Variants in PCDHA3 observed in about 807,000 individuals in gnomAD.
PCDHA3 encodes protocadherin alpha 3, also known as protocadherin alpha-3.
A neutral mutation model predicts 62.2 loss-of-function variants in PCDHA3; 41 were observed. The observed-to-expected ratio is 0.66, with a 90% CI of 0.51 to 0.86. The LOEUF is 0.86. Among genes scored for constraint, PCDHA3 ranks in the 40% least tolerant of loss-of-function variants. The pLI, the probability that PCDHA3 is intolerant of heterozygous loss-of-function variation, is 0.00. For synonymous variants in PCDHA3, 640 were observed against 555.4 expected (o/e 1.15, Z -2.14); for missense variants, 1,304 against 1,241.2 (o/e 1.05, Z -0.76).
intron 1 of PCDHA3, among the ~76,000 whole-genome samples, chr5:140,965,212 T>G (rs1360102713): frequency 6.6e-6 from 1 of 152,180 alleles, no homozygotes; most frequent in African/African-American, 2.4e-5. Context: ...CAAATTCCTG[T>G]GGAAGAAATG....
intron 1 of PCDHA3, chr5:140,881,502 A>G: frequency 1.2e-5 from 3 of 249,864 alleles, no homozygotes; most frequent in Non-Finnish European, 1.9e-5. Context: ...ACATACACAC[A>G]CTCACATACA....
chr5:140,918,175 CT>C (rs1429626043), intron 1 of PCDHA3, among the ~76,000 whole-genome samples: 2 of 152,076 alleles, frequency 1.3e-5, no homozygotes, highest in Non-Finnish European at 2.9e-5. Context: ...GCATTGTGTT[CT>C]TGATTTGGCC....
rs559337177 is a variant in PCDHA3 at position 140,853,682 on chromosome 5, A to G, written c.2394+50091A>G. On this transcript the variant is annotated intron_variant, in intron 1 of 3. Transcript: ENST00000522353. ...ACAAATTGGGGCCTATGGTCAACCT[A>G]TCCTTAGACCTGCTAACGCATTAGC... 95 of 988,426 alleles carry G rather than the reference A, an allele frequency of 9.6e-5. 12 individuals are homozygous for G. The highest frequency in any genetic ancestry group is 1.1e-4 in the Non-Finnish European group (93 of 820,328). The allele number at this position is 988,426 out of a possible 1,614,324, so 61.2% of individuals were successfully genotyped here.
chr5:140,868,379 T>C (rs1554161939), intron 1 of PCDHA3: 1 of 152,086 alleles, frequency 6.6e-6, no homozygotes, highest in Non-Finnish European at 1.5e-5. Context: ...CAGTAAAGAA[T>C]GAGAACTATA....
At chr5:140,863,236 G>A (rs782784210) in intron 1 of PCDHA3, 6 of 1,282,274 alleles carry the variant, frequency 4.7e-6, no homozygotes, top group Non-Finnish European at 4.4e-6. Context: ...CCCATCGCGG[G>A]CTTTGGCGGG....
intron 1 of PCDHA3, among the ~76,000 whole-genome samples, chr5:140,951,950 G>A (rs1408300368): frequency 6.6e-6 from 1 of 152,120 alleles, no homozygotes; most frequent in Non-Finnish European, 1.5e-5. Flanking sequence ...GCGGGTACAG[G>A]CATTGGGTAA....
Position 140,802,232 on chromosome 5 carries a change from T to C in PCDHA3, c.1035T>C (p.Asp345=), listed in dbSNP as rs1554121962. The C allele has an allele frequency of 1.9e-6, 3 of 1,614,226 alleles. No individual in the cohort carries two copies. The highest frequency in any genetic ancestry group is 2.5e-6 in the Non-Finnish European group (3 of 1,180,042). Residue 345 remains aspartate, a synonymous_variant, in exon 1 of 4, where the codon GAT becomes GAC. Transcript: ENST00000522353. ...TVLLEIVDIN[D]NVPELVIQSL... is the part of the protein sequence containing the mutation. Reference sequence around the variant, plus strand: ...TACTCGAAATTGTGGACATCAATGATAATGTACCTGAGTTAGTTATTCAAT... The same window carrying C: ...TACTCGAAATTGTGGACATCAATGACAATGTACCTGAGTTAGTTATTCAAT...
intron 1 of PCDHA3, chr5:140,857,942 A>G: frequency 6.3e-7 from 1 of 1,597,440 alleles, no homozygotes; most frequent in Non-Finnish European, 8.6e-7. Flanking sequence ...CGAGATCAGT[A>G]CGACGCGCGC....
chr5:140,903,908 T>G (rs1248455998), intron 1 of PCDHA3, among the ~76,000 whole-genome samples: 2 of 152,242 alleles, frequency 1.3e-5, no homozygotes, highest in East Asian at 1.9e-4. Flanking sequence ...GTCAATGATG[T>G]GACTTCCTTG....
chr5:140,890,836 C>A (rs1189670490), intron 1 of PCDHA3, among the ~76,000 whole-genome samples: 1 of 151,884 alleles, frequency 6.6e-6, no homozygotes, highest in Admixed American at 6.6e-5. Flanking sequence ...ACATATTTAC[C>A]AGTTTTGTTT....
chr5:140,926,990 G>T (rs2083733718), intron 1 of PCDHA3: 1 of 1,611,558 alleles, frequency 6.2e-7, no homozygotes, highest in Admixed American at 1.7e-5. Flanking sequence ...ACGGAGCGGG[G>T]CGTAGCCGTA....
At chr5:141,005,822 C>T (rs1248291613) in intron 3 of PCDHA3, among the ~76,000 whole-genome samples, 2 of 151,298 alleles carry the variant, frequency 1.3e-5, no homozygotes, top group Non-Finnish European at 2.9e-5. Context: ...GTATGGTGGC[C>T]TGTAGTCCCA....
chr5:140,974,613 G>A (rs1416866366), intron 1 of PCDHA3, among the ~76,000 whole-genome samples: 2 of 152,164 alleles, frequency 1.3e-5, no homozygotes, highest in African/African-American at 4.8e-5. Flanking sequence ...CAGGGTTCAA[G>A]CGATTCTCCT....
chr5:140,802,112 G>C lies in PCDHA3; in HGVS notation c.915G>C (p.Lys305Asn). 1 of 1,614,188 alleles carries C rather than the reference G, an allele frequency of 6.2e-7. No individual in the cohort carries two copies. Among genetic ancestry groups the C allele is most frequent in the Non-Finnish European group, 8.5e-7 (1 of 1,180,028 alleles). Residue 305 changes from lysine (K) to asparagine (N), a missense_variant, in exon 1 of 4, where the codon AAG becomes AAC. Coordinates refer to ENST00000522353, the MANE Select transcript of PCDHA3 (RefSeq NM_018906.3). ...LDPVNGQISV[K>N]GNIDFEESKS... ...CAGTCAATGGACAAATCAGTGTAAA[G>C]GGTAACATAGATTTCGAGGAAAGTA...
chr5:140,918,989 GTGT>G (rs2078966617), intron 1 of PCDHA3, among the ~76,000 whole-genome samples: 1 of 152,178 alleles, frequency 6.6e-6, no homozygotes, highest in Non-Finnish European at 1.5e-5. Context: ...TTGGTTTTTA[GTGT>G]TGTTCACATC....
chr5:140,850,695 C>T lies in PCDHA3; in HGVS notation c.2394+47104C>T, dbSNP rs2150494737. 6 of 1,598,304 alleles carry T rather than the reference C, an allele frequency of 3.8e-6. No homozygotes were observed. The South Asian group carries it at 5.5e-5, about 15-fold the overall frequency. On this transcript the variant is annotated intron_variant, in intron 1 of 3. Transcript: ENST00000522353. Reference sequence around the variant, plus strand: ...GATGCCCACCGAGGGCGAGTGCGCGCCTGGCAAGCCGACGCTGGTGTGTTC... The same window carrying T: ...GATGCCCACCGAGGGCGAGTGCGCGTCTGGCAAGCCGACGCTGGTGTGTTC...
chr5:140,996,848 G>A (rs560517454), intron 3 of PCDHA3, among the ~76,000 whole-genome samples: 1 of 152,254 alleles, frequency 6.6e-6, no homozygotes, highest in African/African-American at 2.4e-5. Flanking sequence ...TGCATCTTCA[G>A]AATTCTTTAT....
At chr5:140,927,793 C>A in intron 1 of PCDHA3, 1 of 1,614,180 alleles carries the variant, frequency 6.2e-7, no homozygotes, top group Non-Finnish European at 8.5e-7. Context: ...TTCACTAGGT[C>A]CGCCTGAAAC....
chr5:140,928,459 T>C (rs2085267166), intron 1 of PCDHA3: 1 of 1,614,106 alleles, frequency 6.2e-7, no homozygotes, highest in Non-Finnish European at 8.5e-7. Flanking sequence ...GGGGTTTCAT[T>C]TCCAAGTAGA....
Sources: gnomAD v4.1 joint callset for allele counts (sites outside exome capture counted in the v4.1 genomes callset) on GRCh38, gnomAD v4.1.1 for gene constraint, MANE v1.5 for transcripts, NCBI Gene and HGNC (gene_info 2026-07-23, HGNC 2026-07-21) for gene names.